The following SPAG9 variants were observed in gnomAD, a reference collection of about 807,000 sequenced individuals.
SPAG9 encodes the protein sperm associated antigen 9, also known as C-Jun-amino-terminal kinase-interacting protein 4.
A neutral mutation model predicts 166.5 loss-of-function variants in SPAG9; 35 were observed. That is an observed-to-expected ratio of 0.21 (90% CI 0.16 to 0.28). The LOEUF is 0.28. SPAG9 is among the 10% of genes least tolerant of loss of function. SPAG9 has a pLI of 1.00. For missense variants in SPAG9, 1,235 were observed against 1,603.3 expected (o/e 0.77, Z 3.92); for synonymous variants, 534 against 565.5 (o/e 0.94, Z 0.79).
chr17:51,065,854 C>A (rs539305690), intron 2 of SPAG9, among the ~76,000 whole-genome samples: 1 of 152,306 alleles, frequency 6.6e-6, no homozygotes, highest in East Asian at 1.9e-4. Context: ...CAACTTAATG[C>A]AGGTAAGACA....
At chr17:50,971,287 C>T (rs1372930165) in intron 28 of SPAG9, among the ~76,000 whole-genome samples, 2 of 148,858 alleles carry the variant, frequency 1.3e-5, no homozygotes, top group East Asian at 4.0e-4. Flanking sequence ...GCCTAGGCAA[C>T]AGAGCAAGAC....
chr17:50,976,332 T>C (rs1017858609), intron 27 of SPAG9, among the ~76,000 whole-genome samples: 3 of 152,150 alleles, frequency 2.0e-5, no homozygotes, highest in African/African-American at 7.2e-5. Context: ...TGGAATCTCT[T>C]AGGATATAAG....
chr17:50,989,357 C>A (rs1262728927), intron 21 of SPAG9, among the ~76,000 whole-genome samples: 1 of 152,146 alleles, frequency 6.6e-6, no homozygotes, highest in African/African-American at 2.4e-5. Flanking sequence ...TGTGTAAATG[C>A]ACTCTATGAT....
rs2044960964 is a variant in SPAG9 at position 51,001,728 on chromosome 17, T to C, written c.1594A>G (p.Thr532Ala). 1 of 1,608,792 alleles carries C rather than the reference T, an allele frequency of 6.2e-7. No homozygotes were observed. Among genetic ancestry groups the C allele is most frequent in the Non-Finnish European group, 8.5e-7 (1 of 1,178,832 alleles). The change falls in exon 13 of 30, where the codon ACA becomes GCA. Residue 532 changes from threonine (T) to alanine (A), a missense_variant. Coordinates refer to ENST00000262013, the MANE Select transcript of SPAG9 (RefSeq NM_001130528.3). ...LMELQEAVRWTEMIRASRENP... is the reference protein window; with the variant it reads ...LMELQEAVRWAEMIRASRENP... ...TGTCATACAAACCGAATCATCTCTG[T>C]CCATCGAACAGCTTCCTGAAGCTCC...
At chr17:51,046,819 T>C (rs2047038595) in intron 4 of SPAG9, 2 of 1,533,526 alleles carry the variant, frequency 1.3e-6, no homozygotes, top group Non-Finnish European at 1.7e-6. Context: ...TCCCAAGCGA[T>C]GACGTCATTC....
At chr17:51,072,766 A>C (rs1047005833) in intron 2 of SPAG9, among the ~76,000 whole-genome samples, 1 of 152,188 alleles carries the variant, frequency 6.6e-6, no homozygotes, top group Non-Finnish European at 1.5e-5. Context: ...GAATTAATGA[A>C]CTCCTGACAT....
chr17:51,066,449 G>A (rs1349794570), intron 2 of SPAG9, among the ~76,000 whole-genome samples: 4 of 150,902 alleles, frequency 2.7e-5, no homozygotes, highest in Admixed American at 1.3e-4. Flanking sequence ...CGGCTACTTG[G>A]GAGGCTGAGA....
At chr17:51,034,808 A>G (rs907497864) in intron 5 of SPAG9, among the ~76,000 whole-genome samples, 1 of 152,236 alleles carries the variant, frequency 6.6e-6, no homozygotes, top group East Asian at 1.9e-4. Context: ...GTCTCAAAGT[A>G]TATCCACACC....
At chr17:51,105,662 G>T in intron 1 of SPAG9, among the ~76,000 whole-genome samples, 1 of 152,052 alleles carries the variant, frequency 6.6e-6, no homozygotes, top group African/African-American at 2.4e-5. Context: ...GAGGTCAGGA[G>T]ATCGAGGCCA....
chr17:51,039,139 T>C (rs1386475887), intron 5 of SPAG9, among the ~76,000 whole-genome samples: 1 of 152,242 alleles, frequency 6.6e-6, no homozygotes, highest in African/African-American at 2.4e-5. Flanking sequence ...AAAATTGTGG[T>C]AGTAACACTA....
chr17:51,036,804 GA>G (rs558138157), intron 5 of SPAG9, among the ~76,000 whole-genome samples: 162 of 152,262 alleles, frequency 1.1e-3, no homozygotes, highest in African/African-American at 3.7e-3. Context: ...AAGCACCATG[GA>G]AAGCCTTACC....
At chr17:50,993,972 A>C in intron 18 of SPAG9, 37 bp from the exon 19 acceptor site, 1 of 1,556,776 alleles carries the variant, frequency 6.4e-7, no homozygotes, top group Non-Finnish European at 8.8e-7. Flanking sequence ...TTAAAACAAT[A>C]TGTATGTACA....
At chr17:51,090,715 A>C (rs767026213) in intron 1 of SPAG9, among the ~76,000 whole-genome samples, 20 of 152,194 alleles carry the variant, frequency 1.3e-4, no homozygotes, top group Admixed American at 2.0e-4. Context: ...ATAATTCAAC[A>C]GTCACCTAAT....
rs556310644 is a variant in SPAG9, at chr17:51,013,207, T to G, written c.1213+1025A>C. On this transcript the variant is annotated intron_variant, in intron 9 of 29. Coordinates refer to ENST00000262013, the MANE Select transcript of SPAG9 (RefSeq NM_001130528.3). ...AGAACAGTGTAATCTGTACTATAAT[T>G]ATACCAATAGATACAAATTTTTTTA... Among the ~76,000 whole-genome samples, 6 of 152,350 alleles carry G rather than the reference T, an allele frequency of 3.9e-5. No individual in the cohort carries two copies. The South Asian group carries it at 1.0e-3, about 26-fold the overall frequency.
At chr17:51,037,687 T>TATATATATATATATATATATATATATA (rs1568028331) in intron 5 of SPAG9, among the ~76,000 whole-genome samples, 14 of 74,150 alleles carry the variant, frequency 1.9e-4, no homozygotes, top group Admixed American at 2.9e-4. Flanking sequence ...ATATATATAG[T>TATATATATATATATATATATATATATA]GTGTGTGTGT....
intron 1 of SPAG9, among the ~76,000 whole-genome samples, chr17:51,118,242 T>A (rs1437785107): frequency 1.3e-5 from 2 of 152,218 alleles, no homozygotes; most frequent in African/African-American, 4.8e-5. Flanking sequence ...TCTCAGGTCA[T>A]GACCCTTTGC....
chr17:51,026,674 CTT>C (rs35339612), intron 6 of SPAG9, among the ~76,000 whole-genome samples: 6,433 of 124,074 alleles, frequency 0.052, 382 homozygotes, highest in African/African-American at 0.16. Flanking sequence ...TTTTTCTTTT[CTT>C]TTTTTTTTTT....
chr17:51,024,318 A>C (rs1730414084), intron 6 of SPAG9, among the ~76,000 whole-genome samples: 1 of 152,232 alleles, frequency 6.6e-6, no homozygotes, highest in Admixed American at 6.5e-5. Context: ...TTTTAATGGC[A>C]GTTGCAATAC....
intron 19 of SPAG9, among the ~76,000 whole-genome samples, chr17:50,992,547 T>A (rs180711048): frequency 2.6e-5 from 4 of 152,210 alleles, no homozygotes; most frequent in African/African-American, 7.2e-5. Context: ...AGTGTGCGCC[T>A]GTGGTCCCAG....
Sources: allele counts gnomAD v4.1 joint callset (sites outside exome capture counted in the v4.1 genomes callset), GRCh38; gene constraint gnomAD v4.1.1; transcripts MANE v1.5; gene names NCBI Gene and HGNC (gene_info 2026-07-23, HGNC 2026-07-21).